Variants in MIPOL1 observed in about 807,000 individuals in gnomAD.
The protein encoded by MIPOL1 is mirror-image polydactyly 1.
Under a neutral mutation model 60.9 loss-of-function variants are expected in MIPOL1, and 57 were observed. The ratio of observed to expected loss-of-function variants is 0.94; its 90% CI spans 0.76 to 1.17. MIPOL1 has a LOEUF of 1.17. Ranked by LOEUF, MIPOL1 falls within the 50% of genes most tolerant of loss-of-function variation. The pLI is 0.00. For synonymous variants in MIPOL1, 179 were observed against 168.8 expected (o/e 1.06, Z -0.47); for missense variants, 551 against 511.6 (o/e 1.08, Z -0.74).
At chr14:37,210,182 GTGGACACCAAC>G (rs1966704037) in intron 1 of MIPOL1, among the ~76,000 whole-genome samples, 1 of 151,998 alleles carries the variant, frequency 6.6e-6, no homozygotes, top group Non-Finnish European at 1.5e-5. Context: ...CCAACAAGCA[GTGGACACCAAC>G]TGGATATCCC....
In MIPOL1 at chr14:37,337,261, A is replaced by G. The variant is rs1262126214; in HGVS notation, c.828+28742A>G. ...AATCACTCTCCTCACTGTGATCTTGATGTGCATTTCCCTAATGGCTAATGA... is the reference window on the plus strand; with the variant it reads ...AATCACTCTCCTCACTGTGATCTTGGTGTGCATTTCCCTAATGGCTAATGA... On this transcript the variant is annotated intron_variant, in intron 9 of 12. Coordinates refer to ENST00000684589, the MANE Select transcript of MIPOL1 (RefSeq NM_001388067.1). Among the ~76,000 whole-genome samples the G allele has an allele frequency of 5.2e-5, 7 of 134,780 alleles. No homozygotes were observed. In the East Asian group the frequency reaches 9.3e-4, roughly 18 times the overall value. The allele number at this position is 134,780 out of a possible 152,430, so 88.4% of individuals were successfully genotyped here.
intron 7 of MIPOL1, 101 bp from the exon 8 acceptor site, chr14:37,307,955 C>G: frequency 1.1e-6 from 1 of 920,776 alleles, no homozygotes; most frequent in East Asian, 2.5e-5. Context: ...AAAGACTAGT[C>G]GAATGAAATT....
chr14:37,371,208 C>T (rs1041619125), intron 10 of MIPOL1, among the ~76,000 whole-genome samples: 1 of 149,168 alleles, frequency 6.7e-6, no homozygotes, highest in Non-Finnish European at 1.5e-5. Context: ...CAAACTCTGC[C>T]CTCTGGGTTC....
At position 37,433,645 on chromosome 14, in the gene MIPOL1, T is replaced by G. The variant is rs555974566; in HGVS notation, c.1031+10696T>G. 5.1e-4 allele frequency among the ~76,000 whole-genome samples: 77 copies of G among 152,246 alleles called. 1 individual carries two copies. The highest frequency in any genetic ancestry group is 1.0e-3 in the South Asian group (5 of 4,826). ...ATCTCAGCTCACTGCAACCTCTGCC[T>G]CCCAGGTTCAAGTGATTCTTCTGCC... is the stretch of plus-strand genomic sequence containing the variant. On this transcript the variant is annotated intron_variant, in intron 11 of 12. Transcript: ENST00000684589.
At chr14:37,308,011 T>G (rs1005836060) in intron 7 of MIPOL1, 45 bp from the exon 8 acceptor site, 58 of 1,565,454 alleles carry the variant, frequency 3.7e-5, no homozygotes, top group Non-Finnish European at 5.1e-5. Flanking sequence ...TTTGCTGCAC[T>G]AAGGAAATGC....
rs1200296624 is a variant in MIPOL1, at chr14:37,550,862, AAG to A, written c.*3894_*3895del. ...CCTTTTACTAGAAAAATCTTTTTTG[AAG>A]AGTTTTTCTTGTGCTTGCTTCGGCA... On this transcript the variant is annotated 3_prime_UTR_variant, in exon 13 of 13. Transcript: ENST00000684589. 2 of 152,434 alleles carry A rather than the reference AAG, an allele frequency of 1.3e-5. No homozygotes were observed. Among genetic ancestry groups the A allele is most frequent in the Non-Finnish European group, 2.9e-5 (2 of 67,984 alleles). The allele number at this position is 152,434 out of a possible 1,614,324, so 9.4% of individuals were successfully genotyped here.
chr14:37,205,321 C>G (rs61988288), intron 1 of MIPOL1, among the ~76,000 whole-genome samples: 7,609 of 152,106 alleles, frequency 0.05, 231 homozygotes, highest in South Asian at 0.1. Context: ...CCAGGCTGGT[C>G]TGGAACTCCT....
intron 7 of MIPOL1, among the ~76,000 whole-genome samples, chr14:37,303,061 G>A (rs186645520): frequency 6.6e-6 from 1 of 151,904 alleles, no homozygotes; most frequent in Admixed American, 6.6e-5. Flanking sequence ...ACGTAAATCA[G>A]TCACCAATTT....
intron 11 of MIPOL1, among the ~76,000 whole-genome samples, chr14:37,479,375 G>C (rs1332421380): frequency 2.0e-5 from 3 of 152,012 alleles, no homozygotes; most frequent in African/African-American, 7.2e-5. Flanking sequence ...ATGAACCCTA[G>C]AAATCAAGAA....
At chr14:37,538,249 C>G (rs561657472) in intron 12 of MIPOL1, among the ~76,000 whole-genome samples, 1 of 152,144 alleles carries the variant, frequency 6.6e-6, no homozygotes, top group East Asian at 1.9e-4. Flanking sequence ...GGAGTCATTT[C>G]ACAAACTGTC....
intron 10 of MIPOL1, among the ~76,000 whole-genome samples, chr14:37,393,058 C>A (rs551381684): frequency 6.6e-6 from 1 of 152,020 alleles, no homozygotes; most frequent in East Asian, 1.9e-4. Flanking sequence ...GACACAGATA[C>A]AAAAGACACA....
At chr14:37,282,731 G>A (rs1378055122) in intron 6 of MIPOL1, among the ~76,000 whole-genome samples, 1 of 114,528 alleles carries the variant, frequency 8.7e-6, no homozygotes, top group African/African-American at 3.4e-5. Context: ...GTGGATGACA[G>A]AGCAAGACCC....
chr14:37,241,733 T>G (rs1186507418), intron 1 of MIPOL1, among the ~76,000 whole-genome samples: 1 of 152,172 alleles, frequency 6.6e-6, no homozygotes, highest in Non-Finnish European at 1.5e-5. Context: ...CAAAACAATT[T>G]ATTTTCATTA....
intron 11 of MIPOL1, among the ~76,000 whole-genome samples, chr14:37,490,523 C>T (rs1032784721): frequency 1.4e-4 from 22 of 152,156 alleles, no homozygotes; most frequent in African/African-American, 4.6e-4. Context: ...GCAGCTAGCT[C>T]GGTGTCTGCC....
intron 3 of MIPOL1, among the ~76,000 whole-genome samples, chr14:37,256,239 G>A (rs889099471): frequency 2.6e-5 from 4 of 151,722 alleles, no homozygotes; most frequent in Non-Finnish European, 4.4e-5. Context: ...TAGCAGATTA[G>A]GGTAGGTATG....
chr14:37,503,524 G>C (rs886306596), intron 12 of MIPOL1: 7 of 152,196 alleles, frequency 4.6e-5, no homozygotes, highest in Admixed American at 4.6e-4. Context: ...AAGTGAAGGA[G>C]AAATAAAATC....
At chr14:37,283,878 A>G (rs1298747592) in intron 6 of MIPOL1, among the ~76,000 whole-genome samples, 2 of 152,140 alleles carry the variant, frequency 1.3e-5, no homozygotes, top group East Asian at 1.9e-4. Flanking sequence ...TCCATACACC[A>G]TACTGTTTTC....
At chr14:37,209,535 C>T (rs1451385320) in intron 1 of MIPOL1, among the ~76,000 whole-genome samples, 2 of 152,104 alleles carry the variant, frequency 1.3e-5, no homozygotes, top group African/African-American at 4.8e-5. Context: ...TGGCGCTCGC[C>T]TGTAATCCCA....
At chr14:37,225,785 CT>C (rs1378776719) in intron 1 of MIPOL1, among the ~76,000 whole-genome samples, 4 of 152,158 alleles carry the variant, frequency 2.6e-5, no homozygotes, top group Middle Eastern at 3.2e-3. Flanking sequence ...ATGGGATTTT[CT>C]TTTCTATCAT....
Sources: gnomAD v4.1 joint callset for allele counts (sites outside exome capture counted in the v4.1 genomes callset) on GRCh38, gnomAD v4.1.1 for gene constraint, MANE v1.5 for transcripts, NCBI Gene and HGNC (gene_info 2026-07-23, HGNC 2026-07-21) for gene names.